HELZ: variants seen among roughly 807,000 people sequenced by gnomAD.
The protein encoded by HELZ is helicase with zinc finger.
HELZ carries 23 observed loss-of-function variants against 218.2 expected under a neutral mutation model. The ratio of observed to expected loss-of-function variants is 0.11; its 90% CI spans 0.08 to 0.15. The LOEUF is 0.15. Ranked by LOEUF, HELZ falls within the 10% of genes least tolerant of loss-of-function variation. The pLI is 1.00. For synonymous variants in HELZ, 814 were observed against 829.4 expected, an observed-to-expected ratio of 0.98 and a Z score of 0.32; for missense variants, 1,813 against 2,353.7, an observed-to-expected ratio of 0.77 and a Z score of 4.75.
chr17:67,135,386 G>GAA (rs2143937090), intron 23 of HELZ, among the ~76,000 whole-genome samples: 1 of 152,238 alleles, frequency 6.6e-6, no homozygotes, highest in East Asian at 1.9e-4. Context: ...ACACATGCAT[G>GAA]AAACCAGCTC....
chr17:67,232,007 C>T (rs936912646), intron 3 of HELZ, among the ~76,000 whole-genome samples: 2 of 130,480 alleles, frequency 1.5e-5, no homozygotes, highest in Non-Finnish European at 3.1e-5. Flanking sequence ...GAGCCAAGAT[C>T]ACACCATTGT....
chr17:67,215,503 C>A (rs1334643766), intron 5 of HELZ, among the ~76,000 whole-genome samples: 2 of 152,134 alleles, frequency 1.3e-5, no homozygotes, highest in Non-Finnish European at 2.9e-5. Context: ...CATGCGCCGC[C>A]ACGCCCAGCT....
intron 14 of HELZ, among the ~76,000 whole-genome samples, chr17:67,167,047 A>AG (rs1355010396): frequency 2.0e-5 from 3 of 152,202 alleles, no homozygotes; most frequent in African/African-American, 7.2e-5. Context: ...ATGTTCACCA[A>AG]GTTTTATGTT....
intron 21 of HELZ, 109 bp from the exon 22 acceptor site, chr17:67,138,223 T>A (rs62072259): frequency 1.3e-6 from 1 of 764,598 alleles, no homozygotes; most frequent in Non-Finnish European, 1.8e-6. Context: ...GCAGATGTCA[T>A]TTAAAAAAAA....
At chr17:67,235,699 T>C (rs1385247398) in intron 3 of HELZ, among the ~76,000 whole-genome samples, 1 of 149,448 alleles carries the variant, frequency 6.7e-6, no homozygotes, top group Admixed American at 6.7e-5. Context: ...ATCCATCTGT[T>C]CCCCTTCAAA....
At position 67,167,764 on chromosome 17, in the gene HELZ, G is replaced by C; in HGVS notation, c.1463C>G (p.Ala488Gly). ...FNLKVQLQIL[A>G]SFMLTGVSGG... The stretch of plus-strand genomic sequence containing the variant: ...AGAAACACCAGTGAGCATGAAGCTT[G>C]CCAGAATCTGCAATTGCACTTTAAG... The change falls in exon 14 of 33, where the codon GCA becomes GGA. Residue 488 changes from alanine (A) to glycine (G), a missense_variant. By Grantham distance (60) the Ala-to-Gly change is moderately conservative. This residue lies in a region of HELZ where 714 missense variants were observed against 1,029.2 expected (regional missense o/e 0.69). Coordinates refer to ENST00000358691, the MANE Select transcript of HELZ (RefSeq NM_014877.4). 6.2e-7 allele frequency: 1 copy of C among 1,611,362 alleles called. No individual in the cohort carries two copies. Among genetic ancestry groups the C allele is most frequent in the African/African-American group, 1.3e-5 (1 of 74,954 alleles).
rs375631612 is a variant in HELZ at position 67,228,707 on chromosome 17, C to CATTATTATTATTATTATT, written c.-18-9903_-18-9886dup. Among the ~76,000 whole-genome samples the CATTATTATTATTATTATT allele has an allele frequency of 4.5e-4, 66 of 147,506 alleles. 2 individuals are homozygous for CATTATTATTATTATTATT. The highest frequency in any genetic ancestry group is 4.5e-4 in the African/African-American group (18 of 40,028). ...TGACGAAAGAAAAGCCAAATTGATA[C>CATTATTATTATTATTATT]ATTATTATTATTATTATTATTATTA... On this transcript the variant is annotated intron_variant, in intron 3 of 32. Coordinates refer to ENST00000358691, the MANE Select transcript of HELZ (RefSeq NM_014877.4).
chr17:67,201,030 CT>C lies in HELZ; in HGVS notation c.429+98del, dbSNP rs150759776. 432 of 915,160 alleles carry C rather than the reference CT, an allele frequency of 4.7e-4. 2 individuals are homozygous for C. The African/African-American group carries it at 6.3e-3, about 13-fold the overall frequency. The allele number at this position is 915,160 out of a possible 1,614,324, so 56.7% of individuals were successfully genotyped here. ...TGCCCCACCTTCACAGCCTCGCCTT[CT>C]GGCTGATGCCACAATGGTTTTCCAA... On this transcript the variant is annotated intron_variant, in intron 7 of 32. Coordinates refer to ENST00000358691, the MANE Select transcript of HELZ (RefSeq NM_014877.4).
chr17:67,214,086 T>G (rs540918659), intron 5 of HELZ, among the ~76,000 whole-genome samples: 11 of 152,234 alleles, frequency 7.2e-5, no homozygotes, highest in Non-Finnish European at 1.6e-4. Context: ...TTATTTGACT[T>G]ATTACTGTTT....
At chr17:67,151,258 T>C (rs1321439146) in intron 17 of HELZ, 34 bp from the exon 18 acceptor site, 1 of 1,530,770 alleles carries the variant, frequency 6.5e-7, no homozygotes, top group East Asian at 2.3e-5. Flanking sequence ...GATTTACATT[T>C]ACTAATTTCT....
chr17:67,078,450 C>T lies in HELZ; in HGVS notation c.5631G>A (p.Glu1877=). The T allele has an allele frequency of 6.3e-7, 1 of 1,592,564 alleles. No individual in the cohort carries two copies. The highest frequency in any genetic ancestry group is 8.5e-7 in the Non-Finnish European group (1 of 1,171,920). ...PPLMPNKQIA[E]SANSSSPQSS... is the part of the protein sequence containing the mutation. The stretch of plus-strand genomic sequence containing the variant: ...TCTGGGGGCTACTGCTATTGGCCGA[C>T]TCCGCGATCTGCTTGTTAGGCATAA... The change falls in exon 33 of 33, where the codon GAG becomes GAA. Residue 1877 remains glutamate, a synonymous_variant. Transcript: ENST00000358691.
At chr17:67,102,107 T>C (rs1287775548) in intron 31 of HELZ, among the ~76,000 whole-genome samples, 1 of 152,170 alleles carries the variant, frequency 6.6e-6, no homozygotes. Flanking sequence ...GGAAAATCCA[T>C]GGAGTTAAGC....
At chr17:67,215,152 GA>G (rs78239924) in intron 5 of HELZ, among the ~76,000 whole-genome samples, 56 of 145,744 alleles carry the variant, frequency 3.8e-4, no homozygotes, top group African/African-American at 1.2e-3. Flanking sequence ...TCAGAGAGGG[GA>G]AAAAAAAAAC....
chr17:67,153,749 A>C (rs2038759222), intron 17 of HELZ, among the ~76,000 whole-genome samples: 1 of 152,262 alleles, frequency 6.6e-6, no homozygotes, highest in African/African-American at 2.4e-5. Flanking sequence ...TTCAATGTAC[A>C]CTGCACAAAT....
intron 15 of HELZ, 39 bp from the exon 16 acceptor site, chr17:67,161,115 C>A: frequency 6.9e-7 from 1 of 1,458,984 alleles, no homozygotes; most frequent in South Asian, 1.3e-5. Context: ...ACATGCATCT[C>A]GTTAATAAAT....
At chr17:67,234,209 G>A (rs1184430184) in intron 3 of HELZ, among the ~76,000 whole-genome samples, 1 of 148,120 alleles carries the variant, frequency 6.8e-6, no homozygotes. Flanking sequence ...TCTAATCCCA[G>A]CTACTAGGGA....
intron 16 of HELZ, 113 bp from the exon 17 acceptor site, chr17:67,160,475 C>A: frequency 1.5e-6 from 1 of 678,350 alleles, no homozygotes; most frequent in East Asian, 2.7e-5. Context: ...ATTCCCTTAC[C>A]CTACTCAGTA....
intron 13 of HELZ, chr17:67,172,933 A>T (rs1429929578): frequency 2.4e-6 from 1 of 418,842 alleles, no homozygotes; most frequent in Non-Finnish European, 3.2e-6. Context: ...AGTTTCACTC[A>T]TGTCTATTTG....
In HELZ at chr17:67,072,089, C is replaced by A. The variant is rs1245919498; in HGVS notation, c.*6163G>T. ...CAGTGGCTCATGCCTGTAATCCCAA[C>A]ACTTTGGGAGCCCGAGGCGGGCAGA... On this transcript the variant is annotated 3_prime_UTR_variant, in exon 33 of 33. Transcript: ENST00000358691. 6.6e-6 allele frequency: 1 copy of A among 152,420 alleles called. No individual in the cohort carries two copies. Among genetic ancestry groups the A allele is most frequent in the African/African-American group, 2.4e-5 (1 of 41,344 alleles). The allele number at this position is 152,420 out of a possible 1,614,324, so 9.4% of individuals were successfully genotyped here.
Sources: allele counts gnomAD v4.1 joint callset (sites outside exome capture counted in the v4.1 genomes callset), GRCh38; gene constraint gnomAD v4.1.1; regional missense constraint gnomAD v4.1.1; transcripts MANE v1.5; gene names NCBI Gene and HGNC (gene_info 2026-07-23, HGNC 2026-07-21).